Variants in SLC6A2 observed in about 807,000 individuals in gnomAD.
SLC6A2 encodes the protein solute carrier family 6 member 2, also known as sodium-dependent noradrenaline transporter.
SLC6A2 carries 26 observed loss-of-function variants against 71.7 expected under a neutral mutation model. That is an observed-to-expected ratio of 0.36 (90% CI 0.27 to 0.50). SLC6A2 has a LOEUF of 0.50. SLC6A2 is among the 20% of genes least tolerant of loss of function. SLC6A2 has a pLI of 0.96. For missense variants in SLC6A2, 581 were observed against 803.9 expected, an observed-to-expected ratio of 0.72 and a Z score of 3.35; for synonymous variants, 363 against 337.9, an observed-to-expected ratio of 1.07 and a Z score of -0.82.
In SLC6A2 at chr16:55,703,844, G is replaced by C. The variant is rs938897363; in HGVS notation, c.*1498G>C. ...TTGAGCCTGGTGGTTCCTGCATGAA[G>C]AGGATTATGAGGGGACCAGGGTGGG... On this transcript the variant is annotated 3_prime_UTR_variant, in exon 15 of 15. Transcript: ENST00000568943. The C allele has an allele frequency of 1.1e-4, 105 of 980,616 alleles. No individual in the cohort carries two copies. The highest frequency in any genetic ancestry group is 1.8e-4 in the Admixed American group (3 of 16,254). 60.7% of individuals were successfully genotyped at this position (980,616 alleles called of 1,614,324 possible). A position where few individuals can be genotyped will look rare whatever the true frequency, so the allele number is the denominator to read the frequency against.
intron 5 of SLC6A2, among the ~76,000 whole-genome samples, chr16:55,685,938 C>T (rs879117957): frequency 1.3e-5 from 2 of 152,118 alleles, no homozygotes; most frequent in Admixed American, 6.5e-5. Flanking sequence ...GGAAATGGCT[C>T]CTGTTGATTT....
chr16:55,683,513 T>C (rs1168416905), intron 4 of SLC6A2, among the ~76,000 whole-genome samples: 6 of 152,146 alleles, frequency 3.9e-5, no homozygotes, highest in Admixed American at 2.6e-4. Context: ...TTCAGGAGGC[T>C]GAGGTATGAG....
chr16:55,683,701 G>A (rs1378827086), intron 4 of SLC6A2, among the ~76,000 whole-genome samples: 1 of 152,062 alleles, frequency 6.6e-6, no homozygotes, highest in Non-Finnish European at 1.5e-5. Context: ...ATATTACAAA[G>A]GAGTGACTAT....
chr16:55,697,746 A>C, intron 9 of SLC6A2, 151 bp from the exon 10 acceptor site: 1 of 730,594 alleles, frequency 1.4e-6, no homozygotes, highest in Non-Finnish European at 2.3e-6. Flanking sequence ...TGACGAGAGG[A>C]TGGGGAAGGC....
At chr16:55,700,975 AGT>A (rs1965956411) in intron 13 of SLC6A2, among the ~76,000 whole-genome samples, 1 of 152,192 alleles carries the variant, frequency 6.6e-6, no homozygotes. Context: ...ATAAACTAAT[AGT>A]GATAATCTTT....
At position 55,702,394 on chromosome 16, in the gene SLC6A2, C is replaced by G; in HGVS notation, c.*48C>G. On this transcript the variant is annotated 3_prime_UTR_variant, in exon 15 of 15. Transcript: ENST00000568943. ...AACCCCCATGCCAATGTCCAGGTCA[C>G]AGGCATCCGCTGCGCTCCCACCTCG... is the stretch of plus-strand genomic sequence containing the variant. 6.2e-7 allele frequency: 1 copy of G among 1,614,154 alleles called. No individual in the cohort carries two copies. Among genetic ancestry groups the G allele is most frequent in the Non-Finnish European group, 8.5e-7 (1 of 1,179,994 alleles).
In SLC6A2 at chr16:55,702,442, C is replaced by T. The variant is rs1394679570; in HGVS notation, c.*96C>T. The T allele has an allele frequency of 3.1e-6, 5 of 1,608,702 alleles. No homozygotes were observed. The Admixed American group carries it at 6.8e-5, about 22-fold the overall frequency. ...TCGGACACCATCTTGGGATTCCTCC[C>T]CTGGAAGTTGTCCTTTCTGATCCTC... On this transcript the variant is annotated 3_prime_UTR_variant, in exon 15 of 15. Transcript: ENST00000568943.
intron 12 of SLC6A2, 97 bp from the exon 13 acceptor site, chr16:55,700,042 A>G: frequency 1.9e-6 from 2 of 1,031,200 alleles, no homozygotes; most frequent in Non-Finnish European, 3.0e-6. Context: ...ACTTCTCTTC[A>G]TTTCTCTCCC....
intron 13 of SLC6A2, 78 bp downstream of exon 13, chr16:55,700,384 G>C (rs1236560903): frequency 1.5e-6 from 2 of 1,324,168 alleles, no homozygotes; most frequent in African/African-American, 1.5e-5. Context: ...ATTCCTGTTG[G>C]GGTGGGGGAA....
At position 55,705,932 on chromosome 16, in the gene SLC6A2, A is replaced by G. The variant is rs1362090260; in HGVS notation, c.*3586A>G. On this transcript the variant is annotated 3_prime_UTR_variant, in exon 15 of 15. Transcript: ENST00000568943. The stretch of plus-strand genomic sequence containing the variant: ...GGGTAACACATTTTCATACCCTGTG[A>G]GTCCCAGGATCCACAGCTCTGCTGT... 17 of 152,224 alleles carry G rather than the reference A, an allele frequency of 1.1e-4. No homozygotes were observed. The highest frequency in any genetic ancestry group is 1.1e-3 in the Admixed American group (17 of 15,284). The allele number at this position is 152,224 out of a possible 1,614,324, so 9.4% of individuals were successfully genotyped here. A position where few individuals can be genotyped will look rare whatever the true frequency, so the allele number is the denominator to read the frequency against.
intron 4 of SLC6A2, among the ~76,000 whole-genome samples, chr16:55,680,681 T>G (rs1266000338): frequency 6.6e-6 from 1 of 152,158 alleles, no homozygotes; most frequent in Non-Finnish European, 1.5e-5. Context: ...GGAACAGTAC[T>G]TTGCATCCTT....
intron 6 of SLC6A2, among the ~76,000 whole-genome samples, chr16:55,693,456 A>G (rs1165644871): frequency 6.6e-6 from 1 of 152,248 alleles, no homozygotes; most frequent in Non-Finnish European, 1.5e-5. Context: ...GACAGAGAGA[A>G]GTGAACTTGA....
chr16:55,666,639 G>T (rs796422471), intron 2 of SLC6A2, among the ~76,000 whole-genome samples: 3 of 152,152 alleles, frequency 2.0e-5, no homozygotes, highest in African/African-American at 7.2e-5. Flanking sequence ...GAGAAGAGCC[G>T]CAGGCACATG....
At chr16:55,671,206 G>A (rs1019347813) in intron 3 of SLC6A2, among the ~76,000 whole-genome samples, 1 of 152,184 alleles carries the variant, frequency 6.6e-6, no homozygotes, top group Non-Finnish European at 1.5e-5. Context: ...AGCCATAAAG[G>A]GTGTGCACCA....
Position 55,656,901 on chromosome 16 carries a change from A to C in SLC6A2, c.207A>C (p.Val69=). ...AGAAGATCGACTTCCTGCTGTCCGT[A>C]GTCGGCTTCGCAGTGGACCTGGCCA... is the stretch of plus-strand genomic sequence containing the variant. ...WGKKIDFLLS[V]VGFAVDLANV... The change falls in exon 2 of 15, where the codon GTA becomes GTC. Residue 69 remains valine (V), a synonymous_variant. Coordinates refer to ENST00000568943, the MANE Select transcript of SLC6A2 (RefSeq NM_001172501.3). This position sits in a 1 kb window ranked among gnomAD's most constrained non-coding sequence, Gnocchi z 4.5. 2 of 1,614,026 alleles carry C rather than the reference A, an allele frequency of 1.2e-6. No individual in the cohort carries two copies. The highest frequency in any genetic ancestry group is 1.7e-5 in the Admixed American group (1 of 60,032).
chr16:55,657,497 C>T (rs1964491211), intron 2 of SLC6A2, among the ~76,000 whole-genome samples: 1 of 152,184 alleles, frequency 6.6e-6, no homozygotes, highest in South Asian at 2.1e-4. Context: ...TTTCTGAAGG[C>T]ACCTGGGGAG....
chr16:55,676,647 A>T (rs1344145851), intron 4 of SLC6A2, among the ~76,000 whole-genome samples: 1 of 152,232 alleles, frequency 6.6e-6, no homozygotes, highest in East Asian at 1.9e-4. Context: ...CATGTTTGTT[A>T]TTATGCAGAA....
At chr16:55,692,946 A>G (rs1330865301) in intron 6 of SLC6A2, among the ~76,000 whole-genome samples, 2 of 152,260 alleles carry the variant, frequency 1.3e-5, no homozygotes, top group Non-Finnish European at 2.9e-5. Flanking sequence ...AAATTGCAAA[A>G]TAAGTCAGAC....
At chr16:55,674,042 T>C (rs1369803476) in intron 4 of SLC6A2, among the ~76,000 whole-genome samples, 1 of 152,240 alleles carries the variant, frequency 6.6e-6, no homozygotes, top group Non-Finnish European at 1.5e-5. Context: ...ATTTCAACTT[T>C]CATTTTAGAT....
Sources: gnomAD v4.1 joint callset for allele counts (sites outside exome capture counted in the v4.1 genomes callset) on GRCh38, gnomAD v4.1.1 for gene constraint, Gnocchi (gnomAD v3.1) non-coding constraint, MANE v1.5 for transcripts, NCBI Gene and HGNC (gene_info 2026-07-23, HGNC 2026-07-21) for gene names.